Variants in CMSS1 observed in about 807,000 individuals in gnomAD.
CMSS1 encodes the protein cms1 ribosomal small subunit homolog, also known as protein CMSS1.
A neutral mutation model predicts 43.5 loss-of-function variants in CMSS1; 33 were observed. The ratio of observed to expected loss-of-function variants is 0.76; its 90% CI spans 0.57 to 1.01. The LOEUF is 1.01. CMSS1 is among the 50% of genes least tolerant of loss of function. The pLI is 0.00. For missense variants in CMSS1, 313 were observed against 326.4 expected, an observed-to-expected ratio of 0.96 and a Z score of 0.32; for synonymous variants, 115 against 117.2, an observed-to-expected ratio of 0.98 and a Z score of 0.12.
chr3:99,850,452 T>A (rs943040073), intron 1 of CMSS1: 2 of 1,614,086 alleles, frequency 1.2e-6, no homozygotes, highest in Non-Finnish European at 8.5e-7. Flanking sequence ...CTTTACTCTG[T>A]AACGTCTCCC....
At chr3:100,081,839 T>C (rs1203334678) in intron 1 of CMSS1, among the ~76,000 whole-genome samples, 2 of 150,818 alleles carry the variant, frequency 1.3e-5, no homozygotes, top group East Asian at 1.9e-4. Flanking sequence ...CTGTGCATTG[T>C]AGGATGTTTA....
At chr3:99,850,319 T>G (rs1189503923) in intron 1 of CMSS1, 1 of 1,613,262 alleles carries the variant, frequency 6.2e-7, no homozygotes, top group African/African-American at 1.3e-5. Context: ...TTTGTGGTCA[T>G]CCTTTCTTTT....
In CMSS1 at chr3:99,991,719, C is replaced by T. The variant is rs148328730; in HGVS notation, c.65-155254C>T. Among the ~76,000 whole-genome samples, 400 of 151,716 alleles carry T rather than the reference C, an allele frequency of 2.6e-3. 6 individuals are homozygous for T. Among genetic ancestry groups the T allele is most frequent in the African/African-American group, 8.7e-3 (359 of 41,356 alleles). ...AACATGCTGTATTTGACTGTTGCTG[C>T]GTTATTTCAGTGAGGATAATGGCCT... On this transcript the variant is annotated intron_variant, in intron 1 of 9. Transcript: ENST00000421999.
chr3:99,885,466 C>T (rs980690709), intron 1 of CMSS1, among the ~76,000 whole-genome samples: 1 of 152,148 alleles, frequency 6.6e-6, no homozygotes, highest in Non-Finnish European at 1.5e-5. Flanking sequence ...ATTTTATTGT[C>T]GTGCCCTTTT....
intron 1 of CMSS1, among the ~76,000 whole-genome samples, chr3:99,996,644 C>T (rs1172052924): frequency 1.3e-5 from 2 of 152,012 alleles, no homozygotes; most frequent in East Asian, 3.9e-4. Context: ...TCTGGGGAGT[C>T]CTCAGAATCA....
chr3:99,848,624 G>A (rs769809880), intron 1 of CMSS1: 58 of 1,614,016 alleles, frequency 3.6e-5, no homozygotes, highest in Admixed American at 6.7e-5. Context: ...TCTGGGGAGC[G>A]TCCCTGCTCA....
intron 1 of CMSS1, among the ~76,000 whole-genome samples, chr3:100,104,423 T>C (rs1458161082): frequency 1.3e-5 from 2 of 152,194 alleles, no homozygotes; most frequent in Non-Finnish European, 2.9e-5. Context: ...ACCCACACTT[T>C]GTTTGAGATA....
intron 1 of CMSS1, among the ~76,000 whole-genome samples, chr3:99,825,842 A>G (rs560800373): frequency 6.8e-6 from 1 of 147,642 alleles, no homozygotes; most frequent in South Asian, 2.1e-4. Flanking sequence ...CAGTGGCGCA[A>G]TCTTGGCACA....
intron 1 of CMSS1, among the ~76,000 whole-genome samples, chr3:99,977,602 C>CA (rs1407665607): frequency 6.6e-6 from 1 of 151,948 alleles, no homozygotes; most frequent in Non-Finnish European, 1.5e-5. Flanking sequence ...ATTTCAACAA[C>CA]AAAAAAATTA....
intron 1 of CMSS1, among the ~76,000 whole-genome samples, chr3:99,877,490 G>A (rs1265909745): frequency 6.6e-6 from 1 of 152,070 alleles, no homozygotes; most frequent in Non-Finnish European, 1.5e-5. Flanking sequence ...CATTATTCTA[G>A]ATCACTCTAA....
At chr3:100,053,211 C>G (rs143230650) in intron 1 of CMSS1, among the ~76,000 whole-genome samples, 1 of 152,244 alleles carries the variant, frequency 6.6e-6, no homozygotes, top group African/African-American at 2.4e-5. Context: ...GACACAGTTT[C>G]CTAGGACTGC....
chr3:99,967,214 T>C (rs1051550496), intron 1 of CMSS1, among the ~76,000 whole-genome samples: 24 of 152,232 alleles, frequency 1.6e-4, no homozygotes, highest in South Asian at 6.2e-4. Flanking sequence ...CCTCTGACTT[T>C]GAGCAAATCA....
At chr3:100,159,182 ATC>A (rs1254684435) in intron 2 of CMSS1, among the ~76,000 whole-genome samples, 1 of 152,212 alleles carries the variant, frequency 6.6e-6, no homozygotes, top group Non-Finnish European at 1.5e-5. Context: ...AAGAAGCCAT[ATC>A]TCTCTTTTCT....
intron 3 of CMSS1, among the ~76,000 whole-genome samples, chr3:100,161,954 T>C (rs2067027146): frequency 6.6e-6 from 1 of 152,202 alleles, no homozygotes; most frequent in African/African-American, 2.4e-5. Context: ...CCTACAGGAA[T>C]ATAAATCATC....
chr3:100,056,840 T>TA (rs1435737184), intron 1 of CMSS1, among the ~76,000 whole-genome samples: 2 of 151,866 alleles, frequency 1.3e-5, no homozygotes, highest in Admixed American at 1.3e-4. Context: ...CCGTCTCTAC[T>TA]AAAAATACAA....
intron 1 of CMSS1, among the ~76,000 whole-genome samples, chr3:100,039,025 A>G (rs887164721): frequency 1.4e-4 from 21 of 152,204 alleles, no homozygotes; most frequent in African/African-American, 4.8e-4. Flanking sequence ...GGAGACAATA[A>G]TTTTGCATTA....
chr3:99,941,718 G>C (rs1300918500), intron 1 of CMSS1, among the ~76,000 whole-genome samples: 1 of 152,098 alleles, frequency 6.6e-6, no homozygotes, highest in African/African-American at 2.4e-5. Context: ...AAAAAGTCAA[G>C]TTTTCAAGGA....
Position 100,068,350 on chromosome 3 carries a change from C to CTGTGTGTG in CMSS1, c.65-78597_65-78590dup, listed in dbSNP as rs62958661. Among the ~76,000 whole-genome samples the CTGTGTGTG allele has an allele frequency of 4.0e-3, 594 of 149,514 alleles. 6 individuals carry two copies. Among genetic ancestry groups the CTGTGTGTG allele is most frequent in the African/African-American group, 0.014 (581 of 40,678 alleles). On this transcript the variant is annotated intron_variant, in intron 1 of 9. Transcript: ENST00000421999. ...ACAAACATGAATGATGAAAGAGCCTCTGTGTGTGTGTGTGTGTGTGTGTGT... is the reference window on the plus strand; with the variant it reads ...ACAAACATGAATGATGAAAGAGCCTCTGTGTGTGTGTGTGTGTGTGTGTGTGTGTGTGT...
chr3:100,135,400 GGACTAATGATTCCT>G (rs889910686), intron 1 of CMSS1, among the ~76,000 whole-genome samples: 7 of 151,414 alleles, frequency 4.6e-5, no homozygotes, highest in African/African-American at 1.5e-4. Context: ...CCCCTGATGT[GGACTAATGATTCCT>G]GAGGAGCCTT....
Sources: allele counts gnomAD v4.1 joint callset (sites outside exome capture counted in the v4.1 genomes callset), GRCh38; gene constraint gnomAD v4.1.1; transcripts MANE v1.5; gene names NCBI Gene and HGNC (gene_info 2026-07-23, HGNC 2026-07-21).